The following KCTD1 variants were observed in gnomAD, a reference collection of about 807,000 sequenced individuals.
KCTD1 encodes the protein BTB/POZ domain-containing protein KCTD1.
In KCTD1, 24 loss-of-function variants were observed where a neutral mutation model predicts 66.0. That is an observed-to-expected ratio of 0.36 (90% CI 0.26 to 0.51). The LOEUF (loss-of-function observed/expected upper bound fraction) is 0.51. Among genes scored for constraint, KCTD1 ranks in the 20% least tolerant of loss-of-function variants. The pLI, the probability that KCTD1 is intolerant of heterozygous loss-of-function variation, is 0.95. For synonymous variants in KCTD1, 511 were observed against 517.2 expected, an observed-to-expected ratio of 0.99 and a Z score of 0.16; for missense variants, 943 against 1,205.2, an observed-to-expected ratio of 0.78 and a Z score of 3.22.
intron 1 of KCTD1, among the ~76,000 whole-genome samples, chr18:26,573,732 T>C (rs1986161989): frequency 6.6e-6 from 1 of 152,254 alleles, no homozygotes; most frequent in Non-Finnish European, 1.5e-5. Flanking sequence ...GTATGGTAGT[T>C]GCATTTTTGG....
In KCTD1 at chr18:26,481,302, G is replaced by A. The variant is rs774634612; in HGVS notation, c.1989-4643C>T. Among the ~76,000 whole-genome samples, 104 of 152,168 alleles carry A rather than the reference G, an allele frequency of 6.8e-4. 1 individual carries two copies. Among genetic ancestry groups the A allele is most frequent in the Non-Finnish European group, 1.2e-3 (81 of 68,042 alleles). On this transcript the variant is annotated intron_variant, in intron 2 of 4. Coordinates refer to ENST00000580059, the MANE Select transcript of KCTD1 (RefSeq NM_001142730.3). The stretch of plus-strand genomic sequence containing the variant: ...ACCTGGCTCACCTAACTCAATCTGG[G>A]GTTGGCAGGGAAGAAAGAGAAAGCT...
chr18:26,564,337 C>T (rs936876433), intron 1 of KCTD1, among the ~76,000 whole-genome samples: 2 of 152,276 alleles, frequency 1.3e-5, no homozygotes, highest in Middle Eastern at 3.4e-3. Flanking sequence ...GCTCTAGCTG[C>T]ACCTCAGTGT....
chr18:26,537,969 G>A (rs1200402946), intron 1 of KCTD1, among the ~76,000 whole-genome samples: 6 of 152,320 alleles, frequency 3.9e-5, no homozygotes, highest in Admixed American at 2.6e-4. Context: ...ATTTCTGGCC[G>A]GGCATGGTGG....
chr18:26,606,991 GAA>G (rs143429802), intron 1 of KCTD1, among the ~76,000 whole-genome samples: 35,217 of 151,920 alleles, frequency 0.23, 4,199 homozygotes, highest in East Asian at 0.33. Context: ...ATCTTAACTG[GAA>G]AAGTTTCTTG....
At chr18:26,539,955 G>A (rs944757713) in intron 1 of KCTD1, among the ~76,000 whole-genome samples, 12 of 152,162 alleles carry the variant, frequency 7.9e-5, no homozygotes, top group Non-Finnish European at 1.6e-4. Context: ...GTGAGGCAGA[G>A]AAATGTACAA....
intron 1 of KCTD1, among the ~76,000 whole-genome samples, chr18:26,610,930 T>G (rs1262074600): frequency 6.6e-6 from 1 of 152,246 alleles, no homozygotes; most frequent in African/African-American, 2.4e-5. Context: ...CATGTCTTGG[T>G]GTTCATTGTT....
At chr18:26,521,597 C>T (rs890497179) in intron 1 of KCTD1, among the ~76,000 whole-genome samples, 1 of 152,278 alleles carries the variant, frequency 6.6e-6, no homozygotes, top group East Asian at 1.9e-4. Context: ...CAAGATTGTG[C>T]CCCAGGAGCT....
At position 26,546,802 on chromosome 18, in the gene KCTD1, G is replaced by A. The variant is rs1347909194; in HGVS notation, c.1735C>T (p.Leu579Phe). 5.2e-6 allele frequency: 8 copies of A among 1,547,924 alleles called. No individual in the cohort carries two copies. Among genetic ancestry groups the A allele is most frequent in the East Asian group, 2.4e-5 (1 of 40,908 alleles). The change falls in exon 1 of 5, where the codon CTT becomes TTT. Residue 579 changes from leucine to phenylalanine, a missense_variant. Physicochemically the swap from Leu to Phe is conservative, Grantham distance 22. Transcript: ENST00000580059. ...VSVKHDPLPLLPEANGHRSTN... is the reference protein window; with the variant it reads ...VSVKHDPLPLFPEANGHRSTN... The stretch of plus-strand genomic sequence containing the variant: ...CTTCTGTGCCCATTGGCTTCTGGAA[G>A]AAGAGGCAGGGGGTCGTGTTTCACG...
intron 1 of KCTD1, among the ~76,000 whole-genome samples, chr18:26,546,225 T>TAAA (rs4059262): frequency 0.24 from 33,399 of 141,712 alleles, 4,240 homozygotes; most frequent in East Asian, 0.32. Flanking sequence ...CCCTTTTCTT[T>TAAA]AAAAAAAAAA....
intron 1 of KCTD1, among the ~76,000 whole-genome samples, chr18:26,646,779 T>C (rs1012526633): frequency 1.6e-4 from 25 of 152,150 alleles, no homozygotes; most frequent in African/African-American, 5.6e-4. Context: ...TTTTAAATGA[T>C]TTGAACTTCA....
intron 1 of KCTD1, among the ~76,000 whole-genome samples, chr18:26,538,876 G>A (rs920320703): frequency 9.2e-5 from 14 of 152,272 alleles, no homozygotes; most frequent in Non-Finnish European, 2.1e-4. Context: ...TCTCAAATGA[G>A]GTTGCTCCAA....
chr18:26,496,740 GCACACACACA>G (rs111233653), intron 2 of KCTD1, among the ~76,000 whole-genome samples: 2 of 148,094 alleles, frequency 1.4e-5, no homozygotes, highest in African/African-American at 2.5e-5. Context: ...AAAAGCATGT[GCACACACACA>G]CACACACACA....
intron 1 of KCTD1, among the ~76,000 whole-genome samples, chr18:26,533,665 ATG>A (rs1230731026): frequency 6.6e-6 from 1 of 152,010 alleles, no homozygotes; most frequent in Non-Finnish European, 1.5e-5. Context: ...TGCTGGGCTA[ATG>A]TTCGTATTTT....
intron 1 of KCTD1, among the ~76,000 whole-genome samples, chr18:26,525,469 C>A (rs1272557598): frequency 6.6e-6 from 1 of 152,180 alleles, no homozygotes; most frequent in Admixed American, 6.5e-5. Context: ...CACCTCACCC[C>A]CTTCTCTGCA....
intron 1 of KCTD1, among the ~76,000 whole-genome samples, chr18:26,526,505 T>C (rs1984167234): frequency 6.6e-6 from 1 of 152,134 alleles, no homozygotes; most frequent in Non-Finnish European, 1.5e-5. Context: ...AAAATATAAC[T>C]AGCACATCAA....
intron 1 of KCTD1, among the ~76,000 whole-genome samples, chr18:26,535,792 T>C (rs946282580): frequency 7.2e-5 from 11 of 152,046 alleles, no homozygotes; most frequent in Non-Finnish European, 1.0e-4. Flanking sequence ...GAACTTTAAC[T>C]TTGCTTCTTG....
chr18:26,547,524 A>C lies in KCTD1; in HGVS notation c.1013T>G (p.Met338Arg), dbSNP rs1985308881. 6.4e-7 allele frequency: 1 copy of C among 1,551,576 alleles called. No homozygotes were observed. Among genetic ancestry groups the C allele is most frequent in the Non-Finnish European group, 8.7e-7 (1 of 1,146,982 alleles). Residue 338 changes from methionine (M) to arginine (R), a missense_variant, in exon 1 of 5, where the codon ATG (methionine) becomes AGG (arginine). Met to Arg is a moderately conservative substitution (Grantham distance 91). This residue lies in a region of KCTD1 where 66 missense variants were observed against 61.6 expected (regional missense o/e 1.07). Coordinates refer to ENST00000580059, the MANE Select transcript of KCTD1 (RefSeq NM_001142730.3). Reference protein sequence around the residue: ...ELEEDSFGLAMDEDGRKFVYF... With the variant: ...ELEEDSFGLARDEDGRKFVYF... ...GACGAACTTGCGACCGTCCTCGTCC[A>C]TGGCCAGCCCAAAAGAGTCCTCCTC...
intron 1 of KCTD1, chr18:26,657,340 C>T (rs747371733): frequency 2.4e-5 from 24 of 985,378 alleles, no homozygotes; most frequent in Non-Finnish European, 2.9e-5. Flanking sequence ...TAATAACAAA[C>T]CCAAACCGTC....
intron 1 of KCTD1, among the ~76,000 whole-genome samples, chr18:26,565,532 A>G (rs954858530): frequency 6.6e-5 from 10 of 152,224 alleles, no homozygotes; most frequent in African/African-American, 2.4e-4. Flanking sequence ...TTCACCTGCA[A>G]GAAAGAAACT....
Sources: allele counts gnomAD v4.1 joint callset (sites outside exome capture counted in the v4.1 genomes callset), GRCh38; gene constraint gnomAD v4.1.1; regional missense constraint gnomAD v4.1.1; transcripts MANE v1.5; gene names NCBI Gene and HGNC (gene_info 2026-07-23, HGNC 2026-07-21).